ARHGAP18: variants seen among roughly 807,000 people sequenced by gnomAD.
ARHGAP18 encodes the protein rho GTPase-activating protein 18.
In ARHGAP18, 67 loss-of-function variants were observed where a neutral mutation model predicts 86.2. That is an observed-to-expected ratio of 0.78 (90% CI 0.64 to 0.95). The LOEUF is 0.95. ARHGAP18 is among the 40% of genes least tolerant of loss of function. The pLI is 0.00. For synonymous variants in ARHGAP18, 283 were observed against 280.4 expected, an observed-to-expected ratio of 1.01 and a Z score of -0.09; for missense variants, 691 against 780.4, an observed-to-expected ratio of 0.89 and a Z score of 1.37.
intron 3 of ARHGAP18, 96 bp downstream of exon 3, chr6:129,638,298 G>C: frequency 4.1e-6 from 5 of 1,229,252 alleles, no homozygotes; most frequent in Non-Finnish European, 5.8e-6. Context: ...TAGAATAGGT[G>C]ATCATTACGT....
intron 5 of ARHGAP18, among the ~76,000 whole-genome samples, chr6:129,620,698 C>G (rs1328920259): frequency 6.6e-6 from 1 of 152,170 alleles, no homozygotes; most frequent in Non-Finnish European, 1.5e-5. Flanking sequence ...TTTGGTACTT[C>G]TTGCGTCTTA....
rs187165235 is a variant in ARHGAP18 at position 129,601,398 on chromosome 6, C to T, written c.1366-550G>A. On this transcript the variant is annotated intron_variant, in intron 10 of 14. Coordinates refer to ENST00000368149, the MANE Select transcript of ARHGAP18 (RefSeq NM_033515.3). Reference sequence around the variant, plus strand: ...GTGGTGTACACCTGTAGTCCCAGATCGGTGGGAGGATCATCTGAGCTTAGG... The same window carrying T: ...GTGGTGTACACCTGTAGTCCCAGATTGGTGGGAGGATCATCTGAGCTTAGG... 1.6e-3 allele frequency among the ~76,000 whole-genome samples: 246 copies of T among 151,712 alleles called. 1 individual carries two copies. Among genetic ancestry groups the T allele is most frequent in the African/African-American group, 5.7e-3 (236 of 41,358 alleles).
chr6:129,598,941 G>GGTGTGT (rs71028166), intron 12 of ARHGAP18: 23,941 of 212,406 alleles, frequency 0.11, 1,354 homozygotes, highest in Admixed American at 0.17. Context: ...GGGGTGTAGG[G>GGTGTGT]GTGTGTGTGT....
chr6:129,580,279 G>A lies in ARHGAP18; in HGVS notation c.1839-148C>T, dbSNP rs778063945. 4.4e-5 allele frequency: 28 copies of A among 640,296 alleles called. No individual in the cohort carries two copies. In the Middle Eastern group the frequency reaches 7.6e-4, roughly 17 times the overall value. 39.7% of individuals were successfully genotyped at this position (640,296 alleles called of 1,614,324 possible). On this transcript the variant is annotated intron_variant, in intron 13 of 14. Transcript: ENST00000368149. ...TCTACACGTTTGTATTTTCCCATCT[G>A]TTAAATGTACCCAATAGGTAATAAA...
intron 7 of ARHGAP18, 63 bp from the exon 8 acceptor site, chr6:129,611,673 A>T (rs1022593141): frequency 1.4e-6 from 2 of 1,389,604 alleles, no homozygotes; most frequent in African/African-American, 2.9e-5. Flanking sequence ...TCCGAATTTA[A>T]CATCTGTTTC....
chr6:129,625,275 T>A (rs1208749647), intron 5 of ARHGAP18, among the ~76,000 whole-genome samples: 3 of 58,320 alleles, frequency 5.1e-5, no homozygotes, highest in Non-Finnish European at 9.8e-5. Context: ...TGATATATAT[T>A]TATATGTAAT....
chr6:129,658,770 G>A lies in ARHGAP18; in HGVS notation c.114-16752C>T, dbSNP rs184746939. Among the ~76,000 whole-genome samples the A allele has an allele frequency of 1.1e-3, 160 of 152,132 alleles. 1 individual carries two copies. Among genetic ancestry groups the A allele is most frequent in the African/African-American group, 3.6e-3 (148 of 41,430 alleles). The stretch of plus-strand genomic sequence containing the variant: ...AACACAACTTGAACTGAGTTCACTG[G>A]TAGAGTCTTCACTGAAACAAATTTA... On this transcript the variant is annotated intron_variant, in intron 1 of 14. Transcript: ENST00000368149.
chr6:129,706,716 G>A (rs930517820), intron 1 of ARHGAP18, among the ~76,000 whole-genome samples: 44 of 151,254 alleles, frequency 2.9e-4, no homozygotes, highest in African/African-American at 9.9e-4. Context: ...GTGAAACCCC[G>A]TCTCTACTAA....
intron 5 of ARHGAP18, among the ~76,000 whole-genome samples, chr6:129,628,941 A>G (rs181012815): frequency 9.8e-5 from 15 of 152,314 alleles, no homozygotes; most frequent in Admixed American, 9.8e-4. Context: ...AACTTTAAAA[A>G]AGTACATATA....
At chr6:129,688,765 C>A (rs1774476606) in intron 1 of ARHGAP18, among the ~76,000 whole-genome samples, 1 of 150,368 alleles carries the variant, frequency 6.7e-6, no homozygotes, top group African/African-American at 2.5e-5. Flanking sequence ...GCCCTCCAGC[C>A]TGGGCAACAA....
intron 12 of ARHGAP18, among the ~76,000 whole-genome samples, chr6:129,584,658 C>A (rs1788358401): frequency 6.6e-6 from 1 of 152,158 alleles, no homozygotes; most frequent in Non-Finnish European, 1.5e-5. Context: ...CTTTCTAAAT[C>A]TTTTGCCCAT....
At chr6:129,628,627 GC>G (rs1456235562) in intron 5 of ARHGAP18, among the ~76,000 whole-genome samples, 1 of 152,108 alleles carries the variant, frequency 6.6e-6, no homozygotes, top group African/African-American at 2.4e-5. Flanking sequence ...GCAATCGAAG[GC>G]ATAAACATCC....
chr6:129,636,993 A>C (rs1260194986), intron 3 of ARHGAP18, among the ~76,000 whole-genome samples: 1 of 152,198 alleles, frequency 6.6e-6, no homozygotes, highest in African/African-American at 2.4e-5. Flanking sequence ...AGTAATAGGC[A>C]ATCCACCAAC....
chr6:129,708,564 G>A (rs1000793117), intron 1 of ARHGAP18, among the ~76,000 whole-genome samples: 9 of 152,166 alleles, frequency 5.9e-5, no homozygotes, highest in Admixed American at 4.6e-4. Flanking sequence ...TGAGTCCTAC[G>A]TGAAAATGAG....
In ARHGAP18 at chr6:129,629,532, C is replaced by CG. The variant is rs769100068; in HGVS notation, c.617-11dup. 89 of 1,597,220 alleles carry CG rather than the reference C, an allele frequency of 5.6e-5. No homozygotes were observed. The highest frequency in any genetic ancestry group is 5.9e-5 in the Non-Finnish European group (69 of 1,174,750). On this transcript the variant is annotated splice_polypyrimidine_tract_variant and intron_variant, in intron 4 of 14. Transcript: ENST00000368149. ...AGGTTAGATGCCTCGTCTAGGGGCC[C>CG]GGGGGGAAAGAACCCAATTCATATG...
At chr6:129,673,291 A>T (rs370984455) in intron 1 of ARHGAP18, among the ~76,000 whole-genome samples, 4 of 143,108 alleles carry the variant, frequency 2.8e-5, no homozygotes, top group South Asian at 2.2e-4. Context: ...TTTCTTTCTC[A>T]TTTTTTTTTC....
In ARHGAP18 at chr6:129,625,143, T is replaced by TATATATATGATATATGATATATG. The variant is rs1789340247; in HGVS notation, c.786+4209_786+4210insCATATATCATATATCATATATAT. On this transcript the variant is annotated intron_variant, in intron 5 of 14. Transcript: ENST00000368149. Reference sequence around the variant, plus strand: ...GATATATATTATATATGATATATATTATATATTATATAGATATATATTATA... The same window carrying TATATATATGATATATGATATATG: ...GATATATATTATATATGATATATATTATATATATGATATATGATATATGATATATTATATAGATATATATTATA... Among the ~76,000 whole-genome samples the TATATATATGATATATGATATATG allele has an allele frequency of 3.5e-4, 6 of 17,258 alleles. 1 individual carries two copies. The highest frequency in any genetic ancestry group is 2.2e-3 in the African/African-American group (6 of 2,704). The allele number at this position is 17,258 out of a possible 152,430, so 11.3% of individuals were successfully genotyped here.
intron 1 of ARHGAP18, among the ~76,000 whole-genome samples, chr6:129,667,789 C>T (rs1201961809): frequency 6.6e-6 from 1 of 151,986 alleles, no homozygotes; most frequent in African/African-American, 2.4e-5. Context: ...TCTGCCTGGG[C>T]TCTTGGCCAA....
chr6:129,708,906 A>T (rs1774851660), intron 1 of ARHGAP18, among the ~76,000 whole-genome samples: 1 of 152,236 alleles, frequency 6.6e-6, no homozygotes, highest in Non-Finnish European at 1.5e-5. Context: ...AATCTTTTTT[A>T]TCTTTGGAAA....
Sources: allele counts gnomAD v4.1 joint callset (sites outside exome capture counted in the v4.1 genomes callset), GRCh38; gene constraint gnomAD v4.1.1; transcripts MANE v1.5; gene names NCBI Gene and HGNC (gene_info 2026-07-23, HGNC 2026-07-21).